DLST: variants seen among roughly 807,000 people sequenced by gnomAD.
DLST encodes the protein dihydrolipoyllysine-residue succinyltransferase component of 2-oxoglutarate dehydrogenase complex, mitochondrial.
In DLST, 17 loss-of-function variants were observed where a neutral mutation model predicts 53.1. The observed-to-expected ratio is 0.32, with a 90% CI of 0.22 to 0.48. DLST has a LOEUF of 0.48. Among genes scored for constraint, DLST ranks in the 20% least tolerant of loss-of-function variants. The pLI is 0.99. For synonymous variants in DLST, 206 were observed against 204.8 expected, an observed-to-expected ratio of 1.01 and a Z score of -0.05; for missense variants, 512 against 583.9, an observed-to-expected ratio of 0.88 and a Z score of 1.27.
chr14:74,891,394 G>T (rs1594876018), intron 7 of DLST: 2 of 1,195,486 alleles, frequency 1.7e-6, no homozygotes, highest in East Asian at 7.5e-5. Context: ...CTTTCCATGG[G>T]TGTTTCTTAG....
intron 7 of DLST, chr14:74,891,410 G>A: frequency 8.6e-7 from 1 of 1,167,542 alleles, no homozygotes; most frequent in Non-Finnish European, 1.1e-6. Flanking sequence ...CTTAGCAGGA[G>A]CTGAGAAACT....
In DLST at chr14:74,902,307, A is replaced by G. The variant is rs1283563540; in HGVS notation, c.1339A>G (p.Arg447Gly). ...RKIKAAVEDP[R>G]VLLLDL is the part of the protein sequence containing the mutation. The stretch of plus-strand genomic sequence containing the variant: ...AATCAAGGCAGCGGTAGAGGATCCC[A>G]GAGTCCTCCTCCTGGATCTTTAGGA... Residue 447 changes from arginine to glycine, a missense_variant, in exon 15 of 15, where the codon AGA becomes GGA. By Grantham distance (125) the Arg-to-Gly change is moderately radical. Coordinates refer to ENST00000334220, the MANE Select transcript of DLST (RefSeq NM_001933.5). 2 of 1,612,556 alleles carry G rather than the reference A, an allele frequency of 1.2e-6. No homozygotes were observed. The highest frequency in any genetic ancestry group is 2.2e-5 in the South Asian group (2 of 90,986).
chr14:74,897,546 G>T (rs1198545163), intron 10 of DLST, among the ~76,000 whole-genome samples: 1 of 152,178 alleles, frequency 6.6e-6, no homozygotes, highest in Non-Finnish European at 1.5e-5. Context: ...TTTTCAGAAG[G>T]CTTGCTGCTT....
In DLST at chr14:74,901,155, A is replaced by G; in HGVS notation, c.1149A>G (p.Thr383=). The G allele has an allele frequency of 6.2e-7, 1 of 1,614,080 alleles. No individual in the cohort carries two copies. Among genetic ancestry groups the G allele is most frequent in the Non-Finnish European group, 8.5e-7 (1 of 1,180,004 alleles). Residue 383 remains threonine, a synonymous_variant, in exon 14 of 15, where the codon ACA becomes ACG. Transcript: ENST00000334220. ...NGGVFGSLFG[T]PIINPPQSAI... is the part of the protein sequence containing the mutation. The stretch of plus-strand genomic sequence containing the variant: ...GCGTTTTTGGCTCGCTCTTTGGAAC[A>G]CCCATTATCAACCCCCCTCAGTCTG...
chr14:74,890,237 C>G (rs1883858512), intron 6 of DLST, among the ~76,000 whole-genome samples: 1 of 148,924 alleles, frequency 6.7e-6, no homozygotes, highest in African/African-American at 2.5e-5. Context: ...AAGCGATTCT[C>G]CTGCCTCAGC....
intron 5 of DLST, chr14:74,889,650 G>A (rs1225008636): frequency 7.2e-6 from 4 of 556,724 alleles, no homozygotes; most frequent in African/African-American, 1.9e-5. Context: ...TGGGATTACA[G>A]GCCTGAGCCA....
In DLST at chr14:74,887,123, T is replaced by C. The variant is rs536914593; in HGVS notation, c.146+1489T>C. Among the ~76,000 whole-genome samples, 264 of 152,320 alleles carry C rather than the reference T, an allele frequency of 1.7e-3. 1 individual carries two copies. Among genetic ancestry groups the C allele is most frequent in the Non-Finnish European group, 2.9e-3 (199 of 68,030 alleles). On this transcript the variant is annotated intron_variant, in intron 3 of 14. Transcript: ENST00000334220. ...GTATATTTATCTCAGATTTAATATC[T>C]GATAATATAAATATTATCAGATTTA... is the stretch of plus-strand genomic sequence containing the variant.
Position 74,893,425 on chromosome 14 carries a change from G to A in DLST, c.672+1G>A. The A allele has an allele frequency of 6.2e-7, 1 of 1,614,230 alleles. No homozygotes were observed. Among genetic ancestry groups the A allele is most frequent in the Non-Finnish European group, 8.5e-7 (1 of 1,180,044 alleles). ...CAAAGGTCTGCGTTCAGAACATCGG[G>A]TAAGCCTCTGAGGACCACTTTCAGG... On this transcript the variant is annotated splice_donor_variant, in intron 9 of 14. Transcript: ENST00000334220. LOFTEE classifies it high-confidence loss of function.
At chr14:74,883,476 A>T (rs1883601645) in intron 2 of DLST, among the ~76,000 whole-genome samples, 1 of 152,124 alleles carries the variant, frequency 6.6e-6, no homozygotes, top group African/African-American at 2.4e-5. Flanking sequence ...GAGTGGCAAG[A>T]GATAGAAGAT....
intron 9 of DLST, 54 bp from the exon 10 acceptor site, chr14:74,894,258 A>G (rs1425635465): frequency 2.5e-6 from 4 of 1,601,696 alleles, no homozygotes; most frequent in South Asian, 1.1e-5. Flanking sequence ...TACACGGGGA[A>G]TGCTTGACCC....
At chr14:74,888,555 T>A (rs1470583622) in intron 3 of DLST, among the ~76,000 whole-genome samples, 2 of 151,948 alleles carry the variant, frequency 1.3e-5, no homozygotes, top group Non-Finnish European at 2.9e-5. Flanking sequence ...AAAAGTAATT[T>A]AAAAAAATTA....
intron 10 of DLST, among the ~76,000 whole-genome samples, chr14:74,894,888 C>T (rs1049345574): frequency 6.6e-6 from 1 of 151,996 alleles, no homozygotes; most frequent in Non-Finnish European, 1.5e-5. Flanking sequence ...CTGGCTTCTT[C>T]TCTAATTGGC....
rs1278536495 is a variant in DLST at position 74,903,357 on chromosome 14, G to T, written c.*1027G>T. On this transcript the variant is annotated 3_prime_UTR_variant, in exon 15 of 15. Coordinates refer to ENST00000334220, the MANE Select transcript of DLST (RefSeq NM_001933.5). ...CTTGTCTCTTCCTCTGCAGGACACA[G>T]ATCTGGAGGACGTGGACTGGGGTAG... The T allele has an allele frequency of 6.6e-6, 1 of 152,454 alleles. No individual in the cohort carries two copies. The highest frequency in any genetic ancestry group is 2.4e-5 in the African/African-American group (1 of 41,450). 9.4% of individuals were successfully genotyped at this position (152,454 alleles called of 1,614,324 possible). A position where few individuals can be genotyped will look rare whatever the true frequency, so the allele number is the denominator to read the frequency against.
At chr14:74,884,804 A>G (rs921515292) in intron 2 of DLST, among the ~76,000 whole-genome samples, 11 of 152,182 alleles carry the variant, frequency 7.2e-5, no homozygotes, top group African/African-American at 2.4e-4. Flanking sequence ...GCTAGCTCTC[A>G]TTTGGTGTGT....
chr14:74,883,142 A>C (rs988356522), intron 2 of DLST, among the ~76,000 whole-genome samples: 1 of 151,876 alleles, frequency 6.6e-6, no homozygotes, highest in Non-Finnish European at 1.5e-5. Flanking sequence ...AAAAATACAA[A>C]AAATTAGCCG....
rs376444659 is a variant in DLST at position 74,889,057 on chromosome 14, C to T, written c.147-38C>T. 9.7e-6 allele frequency: 15 copies of T among 1,541,006 alleles called. No individual in the cohort carries two copies. The African/African-American group carries it at 1.2e-4, about 13-fold the overall frequency. On this transcript the variant is annotated intron_variant, in intron 3 of 14. Transcript: ENST00000334220. ...TAACTAGACTAAAATGTGAGTGGTT[C>T]GCCTGTTAAAAGGAGTTAACGTGTG...
chr14:74,891,300 G>A (rs1883898940), intron 7 of DLST, 133 bp downstream of exon 7: 1 of 1,467,950 alleles, frequency 6.8e-7, no homozygotes, highest in Non-Finnish European at 9.0e-7. Flanking sequence ...GGAATAAGGG[G>A]TAAATTTATA....
chr14:74,889,141 G>T lies in DLST; in HGVS notation c.193G>T (p.Val65Leu), dbSNP rs767485421. ...FSVRFFRTTA[V>L]CKDDLVTVKT... is the part of the protein sequence containing the mutation. ...TGTTCGCTTTTTCAGAACTACAGCTGTATGCAGTAAGTACCTGCTTTCTTG... is the reference window on the plus strand; with the variant it reads ...TGTTCGCTTTTTCAGAACTACAGCTTTATGCAGTAAGTACCTGCTTTCTTG... The change falls in exon 4 of 15, where the codon GTA becomes TTA. Residue 65 changes from valine to leucine, a missense_variant. Physicochemically the swap from Val to Leu is conservative, Grantham distance 32 (BLOSUM62 1). Coordinates refer to ENST00000334220, the MANE Select transcript of DLST (RefSeq NM_001933.5). 2.5e-6 allele frequency: 4 copies of T among 1,614,046 alleles called. No homozygotes were observed. In the South Asian group the frequency reaches 4.4e-5, roughly 18 times the overall value.
chr14:74,902,110 C>G, intron 14 of DLST, 86 bp from the exon 15 acceptor site: 1 of 1,357,754 alleles, frequency 7.4e-7, no homozygotes, highest in Non-Finnish European at 9.7e-7. Flanking sequence ...GAATTAGGAA[C>G]TTTCTTATGG....
Sources: allele counts gnomAD v4.1 joint callset (sites outside exome capture counted in the v4.1 genomes callset), GRCh38; gene constraint gnomAD v4.1.1; transcripts MANE v1.5; gene names NCBI Gene and HGNC (gene_info 2026-07-23, HGNC 2026-07-21).